KCNIP4: variants seen among roughly 807,000 people sequenced by gnomAD.
KCNIP4 encodes Kv channel-interacting protein 4.
In KCNIP4, 12 loss-of-function variants were observed where a neutral mutation model predicts 34.0. That is an observed-to-expected ratio of 0.35 (90% confidence interval 0.23 to 0.57). The LOEUF (loss-of-function observed/expected upper bound fraction) is 0.57. Among genes scored for constraint, KCNIP4 ranks in the 20% least tolerant of loss-of-function variants. KCNIP4 has a pLI of 0.83. For missense variants in KCNIP4, 238 were observed against 311.7 expected (o/e 0.76, Z 1.78); for synonymous variants, 124 against 102.2 (o/e 1.21, Z -1.29).
At chr4:21,872,274 C>CTG (rs1725864454) in intron 1 of KCNIP4, among the ~76,000 whole-genome samples, 1 of 152,158 alleles carries the variant, frequency 6.6e-6, no homozygotes, top group African/African-American at 2.4e-5. Flanking sequence ...CACAGGCCCC[C>CTG]TGAGAAACGT....
chr4:20,843,372 G>A (rs538865477), intron 3 of KCNIP4, among the ~76,000 whole-genome samples: 20 of 152,248 alleles, frequency 1.3e-4, no homozygotes, highest in Admixed American at 9.2e-4. Flanking sequence ...AGGACACTTC[G>A]ATATTTCAAT....
chr4:21,697,450 G>T, intron 1 of KCNIP4: 1 of 1,551,566 alleles, frequency 6.4e-7, no homozygotes, highest in East Asian at 2.4e-5. Flanking sequence ...TAAGCAACAA[G>T]GTATTCCTCT....
intron 1 of KCNIP4, among the ~76,000 whole-genome samples, chr4:21,894,559 AAT>A (rs1295837929): frequency 4.6e-5 from 7 of 152,184 alleles, no homozygotes; most frequent in African/African-American, 1.4e-4. Context: ...ACATAGAGAT[AAT>A]ATGTCATTTT....
intron 1 of KCNIP4, among the ~76,000 whole-genome samples, chr4:21,338,072 A>G (rs1402271641): frequency 6.6e-6 from 1 of 152,012 alleles, no homozygotes; most frequent in Non-Finnish European, 1.5e-5. Context: ...CTCCTTTATC[A>G]CTAAGCATTG....
chr4:21,585,351 T>C (rs917345635), intron 1 of KCNIP4, among the ~76,000 whole-genome samples: 7 of 152,078 alleles, frequency 4.6e-5, no homozygotes, highest in Admixed American at 3.3e-4. Flanking sequence ...ACTGAATGAA[T>C]AGAATAATCA....
At chr4:21,282,385 C>T (rs2109172742) in intron 1 of KCNIP4, among the ~76,000 whole-genome samples, 1 of 151,926 alleles carries the variant, frequency 6.6e-6, no homozygotes. Context: ...GAGTTCAGGA[C>T]TGTGATCTCT....
At chr4:21,854,505 A>G (rs1007144234) in intron 1 of KCNIP4, among the ~76,000 whole-genome samples, 12 of 152,184 alleles carry the variant, frequency 7.9e-5, no homozygotes, top group South Asian at 2.1e-4. Context: ...TATGACCCCA[A>G]TTGCTTAAAT....
At chr4:20,807,983 T>C (rs1041970853) in intron 3 of KCNIP4, among the ~76,000 whole-genome samples, 2 of 152,050 alleles carry the variant, frequency 1.3e-5, no homozygotes, top group Non-Finnish European at 2.9e-5. Flanking sequence ...CTAAAAACAA[T>C]GTAGTGAAGG....
chr4:21,003,228 T>C (rs1738287053), intron 1 of KCNIP4, among the ~76,000 whole-genome samples: 2 of 152,176 alleles, frequency 1.3e-5, no homozygotes, highest in South Asian at 4.1e-4. Flanking sequence ...CCACATCTGA[T>C]TTCAAAATCT....
intron 1 of KCNIP4, among the ~76,000 whole-genome samples, chr4:20,947,504 G>A (rs145199014): frequency 2.0e-3 from 297 of 152,212 alleles, no homozygotes; most frequent in African/African-American, 6.7e-3. Flanking sequence ...CCAATCACTC[G>A]TTCTCAGCTA....
At chr4:21,265,866 G>A (rs1427332062) in intron 1 of KCNIP4, among the ~76,000 whole-genome samples, 1 of 152,126 alleles carries the variant, frequency 6.6e-6, no homozygotes, top group African/African-American at 2.4e-5. Flanking sequence ...ATATTTAAAA[G>A]GGCTAAGGAA....
chr4:20,959,344 A>G (rs190974127), intron 1 of KCNIP4, among the ~76,000 whole-genome samples: 4 of 152,328 alleles, frequency 2.6e-5, no homozygotes, highest in African/African-American at 9.6e-5. Context: ...TTAACTTGCT[A>G]TGGTTTCAGA....
intron 1 of KCNIP4, among the ~76,000 whole-genome samples, chr4:20,950,186 T>C (rs574003806): frequency 6.7e-6 from 1 of 149,416 alleles, no homozygotes; most frequent in South Asian, 2.1e-4. Context: ...GGAGAATACA[T>C]GCCTTCCTTA....
At chr4:21,461,229 A>G (rs1431227781) in intron 1 of KCNIP4, among the ~76,000 whole-genome samples, 2 of 151,816 alleles carry the variant, frequency 1.3e-5, no homozygotes, top group African/African-American at 4.8e-5. Flanking sequence ...CTCTCTCTCC[A>G]CTGCTCCACC....
chr4:20,912,118 A>G (rs1282701312), intron 1 of KCNIP4, among the ~76,000 whole-genome samples: 1 of 152,182 alleles, frequency 6.6e-6, no homozygotes. Context: ...GGTTACAAGA[A>G]GGCAAATTAT....
chr4:21,652,275 T>C (rs975192293), intron 1 of KCNIP4, among the ~76,000 whole-genome samples: 2 of 152,220 alleles, frequency 1.3e-5, no homozygotes, highest in African/African-American at 4.8e-5. Flanking sequence ...TTATTCATTT[T>C]ACATTTATAC....
chr4:20,874,015 A>G (rs1316327232), intron 2 of KCNIP4, among the ~76,000 whole-genome samples: 2 of 152,206 alleles, frequency 1.3e-5, no homozygotes, highest in African/African-American at 4.8e-5. Flanking sequence ...TTTCACCAGT[A>G]TCACTACAGT....
chr4:21,568,634 A>G (rs1311668754), intron 1 of KCNIP4, among the ~76,000 whole-genome samples: 1 of 152,122 alleles, frequency 6.6e-6, no homozygotes, highest in Non-Finnish European at 1.5e-5. Context: ...AAGTTCAAAC[A>G]TCAGACTCTA....
intron 1 of KCNIP4, among the ~76,000 whole-genome samples, chr4:21,564,351 T>C (rs1368156567): frequency 6.6e-6 from 1 of 152,102 alleles, no homozygotes; most frequent in Non-Finnish European, 1.5e-5. Flanking sequence ...CATGTGCACC[T>C]ATCCAGCCCT....
Sources: gnomAD v4.1 joint callset for allele counts (sites outside exome capture counted in the v4.1 genomes callset) on GRCh38, gnomAD v4.1.1 for gene constraint, MANE v1.5 for transcripts, NCBI Gene and HGNC (gene_info 2026-07-23, HGNC 2026-07-21) for gene names.